Variants in ANO3 observed in about 807,000 individuals in gnomAD.
The protein encoded by ANO3 is anoctamin-3.
In ANO3, 99 loss-of-function variants were observed where a neutral mutation model predicts 144.8. The ratio of observed to expected loss-of-function variants is 0.68; its 90% CI spans 0.58 to 0.81. The LOEUF (loss-of-function observed/expected upper bound fraction) is 0.81. Among genes scored for constraint, ANO3 ranks in the 30% least tolerant of loss-of-function variants. The pLI, the probability that ANO3 is intolerant of heterozygous loss-of-function variation, is 0.00. For missense variants in ANO3, 905 were observed against 1,202.2 expected (o/e 0.75, Z 3.66); for synonymous variants, 414 against 392.6 (o/e 1.05, Z -0.64).
intron 1 of ANO3, among the ~76,000 whole-genome samples, chr11:26,273,856 T>C (rs1853501870): frequency 6.6e-6 from 1 of 152,088 alleles, no homozygotes; most frequent in African/African-American, 2.4e-5. Context: ...CAAATTGACA[T>C]CTAGAAGGAT....
intron 24 of ANO3, 113 bp downstream of exon 24, chr11:26,647,969 C>T: frequency 1.0e-6 from 1 of 985,650 alleles, no homozygotes. Flanking sequence ...CTAAGCATTG[C>T]ATTTATAATG....
intron 4 of ANO3, among the ~76,000 whole-genome samples, chr11:26,507,047 G>A (rs960757401): frequency 6.6e-6 from 1 of 152,188 alleles, no homozygotes; most frequent in Admixed American, 6.5e-5. Flanking sequence ...TTGAAGGAAA[G>A]TGGCGAAAGA....
At chr11:26,241,260 G>A (rs1852659484) in intron 1 of ANO3, among the ~76,000 whole-genome samples, 1 of 152,004 alleles carries the variant, frequency 6.6e-6, no homozygotes, top group African/African-American at 2.4e-5. Context: ...CCCAGTCTCG[G>A]GTATGTCTTT....
At chr11:26,492,860 G>A (rs1860765234) in intron 4 of ANO3, among the ~76,000 whole-genome samples, 1 of 152,300 alleles carries the variant, frequency 6.6e-6, no homozygotes, top group South Asian at 2.1e-4. Flanking sequence ...TCAAGTCCAT[G>A]TCCAAGTTCT....
intron 1 of ANO3, among the ~76,000 whole-genome samples, chr11:26,250,250 G>T (rs1398076442): frequency 6.6e-6 from 1 of 152,158 alleles, no homozygotes; most frequent in Non-Finnish European, 1.5e-5. Flanking sequence ...TTCTGTGGCA[G>T]CTATGGGTAT....
At chr11:26,556,902 G>A (rs768547286) in intron 13 of ANO3, among the ~76,000 whole-genome samples, 2 of 152,090 alleles carry the variant, frequency 1.3e-5, no homozygotes, top group African/African-American at 4.8e-5. Flanking sequence ...GATATAAGTG[G>A]CATTTTTCAG....
At chr11:26,653,941 G>C (rs893299311) in intron 24 of ANO3, among the ~76,000 whole-genome samples, 3 of 152,046 alleles carry the variant, frequency 2.0e-5, no homozygotes, top group Admixed American at 2.0e-4. Context: ...ATTTCACCAA[G>C]GATTGCAGTG....
intron 1 of ANO3, among the ~76,000 whole-genome samples, chr11:26,283,045 C>G (rs575588153): frequency 6.6e-6 from 1 of 151,624 alleles, no homozygotes; most frequent in Non-Finnish European, 1.5e-5. Context: ...AAAAACAAAT[C>G]ATTGCTTCAT....
intron 1 of ANO3, among the ~76,000 whole-genome samples, chr11:26,385,648 C>A (rs1856704318): frequency 6.6e-6 from 1 of 152,016 alleles, no homozygotes; most frequent in African/African-American, 2.4e-5. Context: ...ATTAATGGGA[C>A]CCCTGTGATT....
At chr11:26,403,536 C>G (rs577540075) in intron 1 of ANO3, among the ~76,000 whole-genome samples, 1 of 151,880 alleles carries the variant, frequency 6.6e-6, no homozygotes, top group Non-Finnish European at 1.5e-5. Flanking sequence ...CTGATTTCCT[C>G]TAGCCCGGAC....
chr11:26,310,625 T>C (rs1044672448), intron 1 of ANO3, among the ~76,000 whole-genome samples: 2 of 152,234 alleles, frequency 1.3e-5, no homozygotes, highest in African/African-American at 4.8e-5. Context: ...CACTGTTTTC[T>C]AGTCTGCACC....
At chr11:26,432,561 CTTGAG>C (rs1858151719) in intron 1 of ANO3, among the ~76,000 whole-genome samples, 1 of 152,090 alleles carries the variant, frequency 6.6e-6, no homozygotes, top group African/African-American at 2.4e-5. Flanking sequence ...TTTAATCCAT[CTTGAG>C]TTGATTTTTG....
intron 1 of ANO3, among the ~76,000 whole-genome samples, chr11:26,417,064 T>C (rs1019434083): frequency 1.3e-5 from 2 of 152,236 alleles, no homozygotes; most frequent in South Asian, 2.1e-4. Flanking sequence ...TAACATACTA[T>C]TGGATTCATT....
At chr11:26,381,069 C>A (rs61675753) in intron 1 of ANO3, among the ~76,000 whole-genome samples, 40,648 of 151,938 alleles carry the variant, frequency 0.27, 6,112 homozygotes, top group African/African-American at 0.41. Flanking sequence ...GAATCGAGGC[C>A]CCTGATGCCT....
chr11:26,266,432 ATTTTT>A (rs201955022), intron 1 of ANO3, among the ~76,000 whole-genome samples: 1 of 134,262 alleles, frequency 7.4e-6, no homozygotes, highest in African/African-American at 2.8e-5. Context: ...AACAAATGTA[ATTTTT>A]TTTTTTTTTT....
intron 1 of ANO3, among the ~76,000 whole-genome samples, chr11:26,357,664 G>A (rs1426481628): frequency 6.6e-6 from 1 of 151,786 alleles, no homozygotes; most frequent in East Asian, 1.9e-4. Context: ...TATTAACAGG[G>A]TATTTTATAG....
At chr11:26,330,176 C>A (rs186140616), upstream of ANO3, among the ~76,000 whole-genome samples, 1 of 152,072 alleles carries the variant, frequency 6.6e-6, no homozygotes, top group Admixed American at 6.5e-5. Context: ...CTAATCCTCA[C>A]GTAGGAGAAT....
chr11:26,243,666 C>T (rs950844619), intron 1 of ANO3, among the ~76,000 whole-genome samples: 3 of 152,092 alleles, frequency 2.0e-5, no homozygotes, highest in Non-Finnish European at 2.9e-5. Flanking sequence ...CATGGAGATA[C>T]AATAACACCA....
chr11:26,486,360 C>CA (rs10681114), intron 4 of ANO3, among the ~76,000 whole-genome samples: 2,245 of 73,826 alleles, frequency 0.03, 70 homozygotes, highest in Non-Finnish European at 0.034. Context: ...GACTCTGTCT[C>CA]AAAAAAAAAA....
Sources: allele counts gnomAD v4.1 joint callset (sites outside exome capture counted in the v4.1 genomes callset), GRCh38; gene constraint gnomAD v4.1.1; transcripts MANE v1.5; gene names NCBI Gene and HGNC (gene_info 2026-07-23, HGNC 2026-07-21).